Variants in CRADD observed in about 807,000 individuals in gnomAD.
The protein encoded by CRADD is death domain-containing protein CRADD.
In CRADD, 9 loss-of-function variants were observed where a neutral mutation model predicts 15.5. That is an observed-to-expected ratio of 0.58 (90% CI 0.35 to 1.01). The LOEUF is 1.01. Ranked by LOEUF, CRADD falls within the 50% of genes least tolerant of loss-of-function variation. CRADD has a pLI of 0.02. For missense variants in CRADD, 227 were observed against 250.3 expected, an observed-to-expected ratio of 0.91 and a Z score of 0.63; for synonymous variants, 118 against 107.6, an observed-to-expected ratio of 1.10 and a Z score of -0.60.
At chr12:93,729,933 A>G (rs1367733529) in intron 2 of CRADD, among the ~76,000 whole-genome samples, 4 of 152,244 alleles carry the variant, frequency 2.6e-5, no homozygotes, top group Non-Finnish European at 4.4e-5. Context: ...GAGCTCTTAC[A>G]GGTTAATAAA....
chr12:93,693,458 C>T (rs1232052959), intron 2 of CRADD, among the ~76,000 whole-genome samples: 1 of 151,780 alleles, frequency 6.6e-6, no homozygotes, highest in African/African-American at 2.4e-5. Context: ...TTATGTCAGA[C>T]CAAGTAGATT....
intron 2 of CRADD, among the ~76,000 whole-genome samples, chr12:93,691,316 C>T (rs901922137): frequency 4.6e-5 from 7 of 150,942 alleles, no homozygotes; most frequent in Non-Finnish European, 1.0e-4. Flanking sequence ...TGCAATGGCG[C>T]GATCCTGGCT....
intron 2 of CRADD, among the ~76,000 whole-genome samples, chr12:93,802,268 C>T (rs993125665): frequency 6.6e-6 from 1 of 152,188 alleles, no homozygotes; most frequent in African/African-American, 2.4e-5. Context: ...AATCTCTATA[C>T]GTTTTCCATA....
Position 93,683,883 on chromosome 12 carries a change from A to G in CRADD, c.298+4811A>G, listed in dbSNP as rs1955375366. ...TTGACCTTGCTCTGCATGTAAGTTC[A>G]GTGTTGGTCTCAGTGTATCTAGCTT... is the stretch of plus-strand genomic sequence containing the variant. On this transcript the variant is annotated intron_variant, in intron 2 of 2. Coordinates refer to ENST00000332896, the MANE Select transcript of CRADD (RefSeq NM_003805.5). Among the ~76,000 whole-genome samples the G allele has an allele frequency of 1.3e-5, 2 of 152,182 alleles. 1 individual carries two copies. Among genetic ancestry groups the G allele is most frequent in the Admixed American group, 1.3e-4 (2 of 15,286 alleles).
intron 2 of CRADD, among the ~76,000 whole-genome samples, chr12:93,888,277 T>A (rs1156445496): frequency 2.6e-5 from 4 of 151,948 alleles, no homozygotes; most frequent in Admixed American, 6.6e-5. Flanking sequence ...TACAAAAAAA[T>A]TAGCGGGCAT....
intron 2 of CRADD, among the ~76,000 whole-genome samples, chr12:93,891,922 C>G (rs1318373546): frequency 6.6e-6 from 1 of 152,226 alleles, no homozygotes; most frequent in Non-Finnish European, 1.5e-5. Flanking sequence ...ACTGTAATTA[C>G]CAGTATTATG....
chr12:93,817,071 C>G (rs1345281229), intron 2 of CRADD, among the ~76,000 whole-genome samples: 1 of 150,204 alleles, frequency 6.7e-6, no homozygotes, highest in Non-Finnish European at 1.5e-5. Context: ...CTTTTTTTTT[C>G]TCATTGTATC....
At chr12:93,695,066 A>G (rs1415249893) in intron 2 of CRADD, among the ~76,000 whole-genome samples, 1 of 152,248 alleles carries the variant, frequency 6.6e-6, no homozygotes, top group Non-Finnish European at 1.5e-5. Context: ...TGACTTCAAA[A>G]TGTGCTACAA....
At chr12:93,744,339 G>T (rs1956723293) in intron 2 of CRADD, among the ~76,000 whole-genome samples, 1 of 152,184 alleles carries the variant, frequency 6.6e-6, no homozygotes, top group Non-Finnish European at 1.5e-5. Context: ...GTTACCAAGG[G>T]TCTTCTAGAG....
intron 2 of CRADD, among the ~76,000 whole-genome samples, chr12:93,860,285 C>T (rs1958309258): frequency 6.6e-6 from 1 of 152,132 alleles, no homozygotes; most frequent in African/African-American, 2.4e-5. Flanking sequence ...CAAAGCTAAA[C>T]AACAGGAAAG....
At chr12:93,727,236 C>T (rs1444198260) in intron 2 of CRADD, among the ~76,000 whole-genome samples, 1 of 152,148 alleles carries the variant, frequency 6.6e-6, no homozygotes, top group Non-Finnish European at 1.5e-5. Context: ...TCCCTGTGGT[C>T]TCTTCAGTAA....
In CRADD at chr12:93,693,324, C is replaced by G. The variant is rs11107160; in HGVS notation, c.298+14252C>G. Among the ~76,000 whole-genome samples the G allele has an allele frequency of 9.3e-3, 1,408 of 151,946 alleles. 16 individuals are homozygous for G. Among genetic ancestry groups the G allele is most frequent in the African/African-American group, 0.033 (1,349 of 41,462 alleles). On this transcript the variant is annotated intron_variant, in intron 2 of 2. Coordinates refer to ENST00000332896, the MANE Select transcript of CRADD (RefSeq NM_003805.5). ...ATGGGTTTTATAAAAAGCACAAGAC[C>G]CAACTATATGCCATCCACAAAAGAT...
intron 2 of CRADD, among the ~76,000 whole-genome samples, chr12:93,737,383 G>C (rs1956589656): frequency 6.6e-6 from 1 of 152,198 alleles, no homozygotes; most frequent in Non-Finnish European, 1.5e-5. Context: ...GTCATATACT[G>C]TATGTGCCAG....
At chr12:93,814,906 A>G (rs1477938319) in intron 2 of CRADD, among the ~76,000 whole-genome samples, 1 of 152,186 alleles carries the variant, frequency 6.6e-6, no homozygotes, top group East Asian at 1.9e-4. Flanking sequence ...AATTTTTTGT[A>G]TGATTTTGCC....
intron 2 of CRADD, among the ~76,000 whole-genome samples, chr12:93,806,481 A>G (rs1593005580): frequency 6.7e-6 from 1 of 149,192 alleles, no homozygotes; most frequent in East Asian, 2.0e-4. Context: ...AACAAAAAAA[A>G]GAAAAAAAAG....
chr12:93,769,935 C>T (rs1288335408), intron 2 of CRADD, among the ~76,000 whole-genome samples: 1 of 152,168 alleles, frequency 6.6e-6, no homozygotes, highest in Non-Finnish European at 1.5e-5. Flanking sequence ...TTCTTCCACT[C>T]TGTGGCTTGC....
chr12:93,887,664 AGT>A (rs1436591062), intron 2 of CRADD, among the ~76,000 whole-genome samples: 3 of 152,370 alleles, frequency 2.0e-5, no homozygotes, highest in Admixed American at 6.5e-5. Context: ...ACTCTTTCCT[AGT>A]AGTGCCTCTT....
At chr12:93,721,950 T>G (rs1592927894) in intron 2 of CRADD, among the ~76,000 whole-genome samples, 2 of 152,234 alleles carry the variant, frequency 1.3e-5, no homozygotes, top group East Asian at 3.8e-4. Flanking sequence ...TTTCTTTATG[T>G]AGATCTTATT....
intron 2 of CRADD, among the ~76,000 whole-genome samples, chr12:93,823,146 G>A (rs1159216821): frequency 6.6e-6 from 1 of 152,102 alleles, no homozygotes; most frequent in Non-Finnish European, 1.5e-5. Flanking sequence ...TACAAAATTA[G>A]CCTGGCGTGG....
Sources: gnomAD v4.1 joint callset for allele counts (sites outside exome capture counted in the v4.1 genomes callset) on GRCh38, gnomAD v4.1.1 for gene constraint, MANE v1.5 for transcripts, NCBI Gene and HGNC (gene_info 2026-07-23, HGNC 2026-07-21) for gene names.